Variants in EML6 observed in about 807,000 individuals in gnomAD.
EML6 encodes the protein EMAP like 6, also known as echinoderm microtubule-associated protein-like 6.
Under a neutral mutation model 240.1 loss-of-function variants are expected in EML6, and 154 were observed. That is an observed-to-expected ratio of 0.64 (90% CI 0.56 to 0.73). The LOEUF (loss-of-function observed/expected upper bound fraction) is 0.73, where lower values mean the gene tolerates loss of function less well. Ranked by LOEUF, EML6 falls within the 30% of genes least tolerant of loss-of-function variation. The pLI is 0.00. For missense variants in EML6, 2,964 were observed against 2,474.6 expected (o/e 1.20, Z -4.20); for synonymous variants, 1,148 against 899.0 (o/e 1.28, Z -4.95).
chr2:54,853,112 C>T (rs1476091352), intron 10 of EML6, among the ~76,000 whole-genome samples: 1 of 152,136 alleles, frequency 6.6e-6, no homozygotes, highest in Non-Finnish European at 1.5e-5. Context: ...ATTTTAAAGA[C>T]ATCACTTCTG....
rs910928743 is a variant in EML6, at chr2:54,916,868, A to G, written c.3608A>G (p.Lys1203Arg). ...ITDVNAASLTKDCSLLATGDD... is the reference protein window; with the variant it reads ...ITDVNAASLTRDCSLLATGDD... ...GACGTAAATGCTGCCAGTCTTACCAAAGACTGTTCCCTTTTAGCCACCGGA... is the reference window on the plus strand; with the variant it reads ...GACGTAAATGCTGCCAGTCTTACCAGAGACTGTTCCCTTTTAGCCACCGGA... Residue 1203 changes from lysine (K) to arginine (R), a missense_variant, in exon 26 of 42, where the codon AAA becomes AGA. Physicochemically the swap from Lys to Arg is conservative, Grantham distance 26 (BLOSUM62 2). Transcript: ENST00000356458. 3.9e-6 allele frequency: 6 copies of G among 1,550,616 alleles called. No homozygotes were observed. In the African/African-American group the frequency reaches 4.1e-5, roughly 11 times the overall value.
At chr2:54,913,189 G>C (rs1030545141) in intron 25 of EML6, among the ~76,000 whole-genome samples, 1 of 139,948 alleles carries the variant, frequency 7.1e-6, no homozygotes, top group Admixed American at 7.4e-5. Flanking sequence ...TTTCATATTT[G>C]TTGGCTGCTT....
At chr2:54,941,989 A>C (rs1675454022) in intron 28 of EML6, among the ~76,000 whole-genome samples, 1 of 152,232 alleles carries the variant, frequency 6.6e-6, no homozygotes, top group South Asian at 2.1e-4. Flanking sequence ...CCTATTGCTT[A>C]GTTAGGTAAC....
intron 28 of EML6, among the ~76,000 whole-genome samples, chr2:54,931,337 T>C (rs953939922): frequency 3.4e-4 from 51 of 152,102 alleles, no homozygotes; most frequent in African/African-American, 1.1e-3. Context: ...GAAAGCAGGA[T>C]GAGTGATGGA....
chr2:54,896,553 C>T (rs1345697379), intron 21 of EML6, among the ~76,000 whole-genome samples: 1 of 152,036 alleles, frequency 6.6e-6, no homozygotes, highest in East Asian at 1.9e-4. Context: ...ATGGATAAGA[C>T]CATATTTAGG....
intron 2 of EML6, among the ~76,000 whole-genome samples, chr2:54,731,696 G>A (rs979503928): frequency 6.6e-6 from 1 of 152,020 alleles, no homozygotes; most frequent in Non-Finnish European, 1.5e-5. Flanking sequence ...TGAAAACATT[G>A]CGCTGAACTA....
At chr2:54,921,999 G>C (rs562210292) in intron 26 of EML6, among the ~76,000 whole-genome samples, 1 of 152,260 alleles carries the variant, frequency 6.6e-6, no homozygotes, top group Admixed American at 6.5e-5. Context: ...AGAGCTCCTT[G>C]ACATTGGTCT....
At chr2:54,958,174 G>A (rs1442933851) in intron 33 of EML6, among the ~76,000 whole-genome samples, 176 bp downstream of exon 33, 2 of 152,096 alleles carry the variant, frequency 1.3e-5, no homozygotes, top group African/African-American at 2.4e-5. Flanking sequence ...GCACATATGG[G>A]TGGGTTGGCA....
At chr2:54,784,029 C>G (rs1278244056) in intron 2 of EML6, among the ~76,000 whole-genome samples, 1 of 151,936 alleles carries the variant, frequency 6.6e-6, no homozygotes, top group East Asian at 1.9e-4. Flanking sequence ...TCATGGTAGC[C>G]TCGAAATCCA....
intron 2 of EML6, among the ~76,000 whole-genome samples, chr2:54,784,118 T>C (rs561579985): frequency 5.5e-4 from 83 of 152,014 alleles, no homozygotes; most frequent in South Asian, 2.3e-3. Context: ...TAATTATTTA[T>C]TTTTTTTGTA....
At chr2:54,787,779 T>A (rs190704884) in intron 2 of EML6, among the ~76,000 whole-genome samples, 137 of 152,284 alleles carry the variant, frequency 9.0e-4, no homozygotes, top group African/African-American at 3.1e-3. Context: ...ATGTTTAAGG[T>A]AGCCTGTGTG....
chr2:54,880,977 T>C (rs1006318428), intron 17 of EML6: 7 of 152,166 alleles, frequency 4.6e-5, no homozygotes, highest in Non-Finnish European at 7.3e-5. Context: ...ATTAAAATAG[T>C]ATATATTTTA....
chr2:54,758,778 G>A (rs142102008), intron 2 of EML6, among the ~76,000 whole-genome samples: 1 of 152,250 alleles, frequency 6.6e-6, no homozygotes, highest in Non-Finnish European at 1.5e-5. Flanking sequence ...CTTGTTTTAA[G>A]AGGCTTTGCA....
chr2:54,867,126 A>T (rs1229147147), intron 14 of EML6: 5 of 329,572 alleles, frequency 1.5e-5, no homozygotes, highest in South Asian at 7.6e-5. Flanking sequence ...CAGACTTCAT[A>T]TAATTCCATG....
intron 22 of EML6, 21 bp from the exon 23 acceptor site, chr2:54,903,023 T>C (rs978717724): frequency 4.7e-5 from 72 of 1,545,360 alleles, no homozygotes; most frequent in Non-Finnish European, 6.2e-5. Flanking sequence ...TAATAAGTGT[T>C]TTTTGTGGAT....
At chr2:54,808,463 A>G (rs931208630) in intron 2 of EML6, among the ~76,000 whole-genome samples, 10 of 152,026 alleles carry the variant, frequency 6.6e-5, no homozygotes, top group Non-Finnish European at 1.5e-4. Context: ...TCTCAAGGTT[A>G]TCTTCAGGGC....
chr2:54,758,312 A>G (rs1667828666), intron 2 of EML6, among the ~76,000 whole-genome samples: 1 of 152,100 alleles, frequency 6.6e-6, no homozygotes, highest in African/African-American at 2.4e-5. Flanking sequence ...TGTCCAGTGT[A>G]ATACTATTTC....
In EML6 at chr2:54,866,758, A is replaced by G. The variant is rs1446820360; in HGVS notation, c.1933-8A>G. The G allele has an allele frequency of 2.0e-6, 3 of 1,519,926 alleles. No homozygotes were observed. Among genetic ancestry groups the G allele is most frequent in the Non-Finnish European group, 2.7e-6 (3 of 1,118,510 alleles). 94.2% of individuals were successfully genotyped at this position (1,519,926 alleles called of 1,614,324 possible). ...CATCTCACCCAGATGTTTCTGTTGTACTTTAAGGTTTACAAAGAAGATCTA... is the reference window on the plus strand; with the variant it reads ...CATCTCACCCAGATGTTTCTGTTGTGCTTTAAGGTTTACAAAGAAGATCTA... On this transcript the variant is annotated splice_region_variant and splice_polypyrimidine_tract_variant and intron_variant, in intron 13 of 41. Transcript: ENST00000356458.
At chr2:54,884,004 C>A (rs1408074392) in intron 17 of EML6, among the ~76,000 whole-genome samples, 1 of 152,186 alleles carries the variant, frequency 6.6e-6, no homozygotes, top group Admixed American at 6.5e-5. Context: ...ACTTCTGTGA[C>A]CAAACTTGTG....
Sources: allele counts gnomAD v4.1 joint callset (sites outside exome capture counted in the v4.1 genomes callset), GRCh38; gene constraint gnomAD v4.1.1; transcripts MANE v1.5; gene names NCBI Gene and HGNC (gene_info 2026-07-23, HGNC 2026-07-21).